Variants in MARCHF7 observed in about 807,000 individuals in gnomAD.
The protein encoded by MARCHF7 is membrane associated ring-CH-type finger 7, also known as E3 ubiquitin-protein ligase MARCHF7.
Under a neutral mutation model 76.5 loss-of-function variants are expected in MARCHF7, and 20 were observed. The observed-to-expected ratio is 0.26, with a 90% CI of 0.18 to 0.38. MARCHF7 has a LOEUF of 0.38. MARCHF7 is among the 10% of genes least tolerant of loss of function. The pLI is 1.00. For missense variants in MARCHF7, 797 were observed against 812.9 expected, an observed-to-expected ratio of 0.98 and a Z score of 0.24; for synonymous variants, 295 against 293.0, an observed-to-expected ratio of 1.01 and a Z score of -0.07.
intron 10 of MARCHF7, among the ~76,000 whole-genome samples, chr2:159,764,255 T>TGTGTGTGTGTGCGCGC (rs10592175): frequency 1.7e-3 from 228 of 131,450 alleles, no homozygotes; most frequent in East Asian, 0.012. Context: ...TGTGTGTGTG[T>TGTGTGTGTGTGCGCGC]GCGCGCGCCC....
chr2:159,737,832 T>C (rs1574304369), intron 4 of MARCHF7, among the ~76,000 whole-genome samples: 1 of 151,858 alleles, frequency 6.6e-6, no homozygotes, highest in East Asian at 1.9e-4. Context: ...TGGTAAGTGG[T>C]GGAGAAATTG....
At chr2:159,731,806 AAAAC>A (rs1702829581) in intron 4 of MARCHF7, among the ~76,000 whole-genome samples, 1 of 148,366 alleles carries the variant, frequency 6.7e-6, no homozygotes, top group African/African-American at 2.5e-5. Flanking sequence ...TTTTTTAAAA[AAAAC>A]CATTTAAATT....
At chr2:159,767,240 T>C in intron 11 of MARCHF7, 44 bp from the exon 12 acceptor site, 5 of 1,400,114 alleles carry the variant, frequency 3.6e-6, no homozygotes, top group Non-Finnish European at 5.0e-6. Context: ...CCCATTCTTA[T>C]CCCCCTTAAA....
chr2:159,741,394 G>A (rs770939968), intron 4 of MARCHF7, among the ~76,000 whole-genome samples: 34 of 152,162 alleles, frequency 2.2e-4, no homozygotes, highest in South Asian at 6.2e-4. Context: ...TGGTTTATAC[G>A]TCTTTTTGTG....
chr2:159,728,846 C>A (rs969195943), intron 3 of MARCHF7, among the ~76,000 whole-genome samples, 163 bp from the exon 4 acceptor site: 1 of 152,180 alleles, frequency 6.6e-6, no homozygotes, highest in Non-Finnish European at 1.5e-5. Flanking sequence ...TGATGAACTT[C>A]TGCTTTGCGG....
chr2:159,762,513 A>G (rs774464918), intron 9 of MARCHF7, among the ~76,000 whole-genome samples: 4 of 152,224 alleles, frequency 2.6e-5, no homozygotes, highest in African/African-American at 9.6e-5. Flanking sequence ...TTACAGCAGT[A>G]TATTGGCATA....
chr2:159,735,694 T>G (rs1703368081), intron 4 of MARCHF7, among the ~76,000 whole-genome samples: 1 of 152,266 alleles, frequency 6.6e-6, no homozygotes, highest in Non-Finnish European at 1.5e-5. Flanking sequence ...TATTTCATTG[T>G]ATGGATATGC....
chr2:159,737,598 A>G (rs1378304298), intron 4 of MARCHF7, among the ~76,000 whole-genome samples: 3 of 152,212 alleles, frequency 2.0e-5, no homozygotes, highest in South Asian at 4.1e-4. Flanking sequence ...GACCTGTGCA[A>G]CATAGTGAGA....
chr2:159,743,692 G>C (rs1704421469), intron 5 of MARCHF7, among the ~76,000 whole-genome samples: 1 of 151,780 alleles, frequency 6.6e-6, no homozygotes, highest in Non-Finnish European at 1.5e-5. Flanking sequence ...TTGAGGCCAG[G>C]AGTTTAAGGC....
intron 4 of MARCHF7, among the ~76,000 whole-genome samples, chr2:159,735,282 T>G (rs1703315436): frequency 6.6e-6 from 1 of 152,258 alleles, no homozygotes; most frequent in Non-Finnish European, 1.5e-5. Flanking sequence ...TTCCTGTGCA[T>G]TACATGATTT....
intron 4 of MARCHF7, among the ~76,000 whole-genome samples, chr2:159,735,962 TA>T (rs1703404057): frequency 6.6e-6 from 1 of 152,140 alleles, no homozygotes; most frequent in South Asian, 2.1e-4. Context: ...AGCCCATCTC[TA>T]AAAAAATTTC....
intron 11 of MARCHF7, among the ~76,000 whole-genome samples, chr2:159,766,638 T>G (rs1187347350): frequency 6.6e-6 from 1 of 152,132 alleles, no homozygotes; most frequent in Admixed American, 6.6e-5. Context: ...TTGAATAAAT[T>G]GAGGTCAGAA....
chr2:159,731,821 T>TCAGC (rs1702831634), intron 4 of MARCHF7, among the ~76,000 whole-genome samples: 1 of 144,826 alleles, frequency 6.9e-6, no homozygotes, highest in Admixed American at 6.9e-5. Context: ...CATTTAAATT[T>TCAGC]CAGCCGGGCA....
Position 159,748,647 on chromosome 2 carries a change from G to C in MARCHF7, c.1357G>C (p.Ala453Pro). ...TGCCAACAGACCACAAGCATCTGCAGCATCAAGCAGTGCCACAACAGGTGG... is the reference window on the plus strand; with the variant it reads ...TGCCAACAGACCACAAGCATCTGCACCATCAAGCAGTGCCACAACAGGTGG... Reference protein sequence around the residue: ...AAANRPQASAASSSATTGGST... With the variant: ...AAANRPQASAPSSSATTGGST... Residue 453 changes from alanine to proline, a missense_variant, in exon 7 of 12, where the codon GCA becomes CCA. By Grantham distance (27) the Ala-to-Pro change is conservative. Coordinates refer to ENST00000409175, the MANE Select transcript of MARCHF7 (RefSeq NM_001282805.2). The C allele has an allele frequency of 6.2e-7, 1 of 1,614,224 alleles. No homozygotes were observed. The highest frequency in any genetic ancestry group is 8.5e-7 in the Non-Finnish European group (1 of 1,180,040).
intron 3 of MARCHF7, among the ~76,000 whole-genome samples, chr2:159,724,870 C>T (rs1176147344): frequency 6.6e-6 from 1 of 151,972 alleles, no homozygotes; most frequent in Admixed American, 6.5e-5. Flanking sequence ...TGTGATGTTC[C>T]CTGCCCTGTG....
At position 159,767,660 on chromosome 2, in the gene MARCHF7, T is replaced by G. The variant is rs1560034094; in HGVS notation, c.*318T>G. The G allele has an allele frequency of 5.4e-6, 1 of 185,440 alleles. No individual in the cohort carries two copies. Among genetic ancestry groups the G allele is most frequent in the Non-Finnish European group, 1.1e-5 (1 of 90,012 alleles). The allele number at this position is 185,440 out of a possible 1,614,324, so 11.5% of individuals were successfully genotyped here. On this transcript the variant is annotated 3_prime_UTR_variant, in exon 12 of 12. Transcript: ENST00000409175. ...AATGCCTATCAACCCTTTTTTGTGT[T>G]ATGATTACTGTAGTCATATTTATGA... is the stretch of plus-strand genomic sequence containing the variant.
At position 159,752,534 on chromosome 2, in the gene MARCHF7, C is replaced by G; in HGVS notation, c.1746C>G (p.Asp582Glu). 1 of 1,559,314 alleles carries G rather than the reference C, an allele frequency of 6.4e-7. No individual in the cohort carries two copies. The highest frequency in any genetic ancestry group is 8.7e-7 in the Non-Finnish European group (1 of 1,155,416). The change falls in exon 8 of 12, where the codon GAC becomes GAG. Residue 582 changes from aspartate to glutamate, a missense_variant. Asp to Glu is a conservative substitution (Grantham distance 45). This residue lies in a region of MARCHF7 where 30 missense variants were observed against 60.1 expected (regional missense o/e 0.50). Transcript: ENST00000409175. ...GAAGTTTGCAGTATGTCCACCAAGA[C>G]TGTATGAAAAAGTGGTTACAGGCCA... Reference protein sequence around the residue: ...CTGSLQYVHQDCMKKWLQAKI... With the variant: ...CTGSLQYVHQECMKKWLQAKI...
At chr2:159,746,905 T>C (rs1704971446) in intron 6 of MARCHF7, among the ~76,000 whole-genome samples, 1 of 152,252 alleles carries the variant, frequency 6.6e-6, no homozygotes, top group Non-Finnish European at 1.5e-5. Context: ...AAACATTTTA[T>C]CTGCTTGGCT....
At chr2:159,741,091 C>A (rs1283220470) in intron 4 of MARCHF7, among the ~76,000 whole-genome samples, 1 of 151,980 alleles carries the variant, frequency 6.6e-6, no homozygotes, top group East Asian at 1.9e-4. Context: ...AGAAGAAAGC[C>A]AGGCCAGATG....
Sources: gnomAD v4.1 joint callset for allele counts (sites outside exome capture counted in the v4.1 genomes callset) on GRCh38, gnomAD v4.1.1 for gene constraint, gnomAD v4.1.1 regional missense constraint, MANE v1.5 for transcripts, NCBI Gene and HGNC (gene_info 2026-07-23, HGNC 2026-07-21) for gene names.